ACP3: variants seen among roughly 807,000 people sequenced by gnomAD.
The protein encoded by ACP3 is acid phosphatase 3, also known as prostatic acid phosphatase.
Under a neutral mutation model 45.6 loss-of-function variants are expected in ACP3, and 38 were observed. The observed-to-expected ratio is 0.83, with a 90% CI of 0.64 to 1.09. The LOEUF (loss-of-function observed/expected upper bound fraction) is 1.09. Among genes scored for constraint, ACP3 ranks in the 50% least tolerant of loss-of-function variants. The pLI is 0.00. For missense variants in ACP3, 466 were observed against 463.2 expected, an observed-to-expected ratio of 1.01 and a Z score of -0.05; for synonymous variants, 162 against 164.7, an observed-to-expected ratio of 0.98 and a Z score of 0.13.
chr3:132,359,619 C>T (rs1298414244), downstream of ACP3, among the ~76,000 whole-genome samples: 1 of 151,994 alleles, frequency 6.6e-6, no homozygotes, highest in Admixed American at 6.6e-5. Context: ...TTTACCCTAC[C>T]CTCTCCTTCA....
intron 4 of ACP3, 177 bp from the exon 5 acceptor site, chr3:132,337,279 A>G: frequency 4.3e-6 from 2 of 464,692 alleles, no homozygotes; most frequent in South Asian, 9.1e-5. Flanking sequence ...CTATTTTAAG[A>G]CCTATAGATC....
At chr3:132,344,458 G>GA (rs903563920) in intron 6 of ACP3, among the ~76,000 whole-genome samples, 2 of 148,844 alleles carry the variant, frequency 1.3e-5, no homozygotes, top group African/African-American at 2.5e-5. Flanking sequence ...AAAAAAAAAA[G>GA]AAAAAAAAAG....
chr3:132,326,277 C>T (rs753308579), intron 1 of ACP3, among the ~76,000 whole-genome samples: 9 of 152,142 alleles, frequency 5.9e-5, no homozygotes, highest in Non-Finnish European at 1.3e-4. Context: ...GAAACTAAAA[C>T]AGTGTGGGGT....
downstream of ACP3, among the ~76,000 whole-genome samples, chr3:132,363,705 G>A (rs1316402025): frequency 6.6e-6 from 1 of 151,920 alleles, no homozygotes; most frequent in African/African-American, 2.4e-5. Flanking sequence ...TTGGGAGGCC[G>A]AGGGGGTGAA....
At chr3:132,330,770 T>G (rs1937386099) in intron 2 of ACP3, among the ~76,000 whole-genome samples, 1 of 152,144 alleles carries the variant, frequency 6.6e-6, no homozygotes, top group Admixed American at 6.5e-5. Context: ...CTAGTAAGGC[T>G]CTGGATTAAA....
chr3:132,339,723 GCTCTCTGAACC>G (rs1237561176), intron 5 of ACP3, among the ~76,000 whole-genome samples: 9 of 152,212 alleles, frequency 5.9e-5, no homozygotes, highest in Admixed American at 3.3e-4. Context: ...CTCTCTGAAG[GCTCTCTGAACC>G]CTCTCCCTTT....
intron 9 of ACP3, among the ~76,000 whole-genome samples, chr3:132,353,103 A>C (rs1937797229): frequency 6.6e-6 from 1 of 152,234 alleles, no homozygotes; most frequent in Non-Finnish European, 1.5e-5. Flanking sequence ...AGAAGTAGGC[A>C]TGTATTGTAT....
intron 2 of ACP3, among the ~76,000 whole-genome samples, chr3:132,330,613 G>A (rs529331591): frequency 1.3e-5 from 2 of 152,188 alleles, no homozygotes; most frequent in South Asian, 2.1e-4. Flanking sequence ...CTCAGGTCAC[G>A]GTATATTATT....
At chr3:132,318,524 T>C (rs1208518886) in intron 1 of ACP3, among the ~76,000 whole-genome samples, 1 of 151,936 alleles carries the variant, frequency 6.6e-6, no homozygotes, top group Admixed American at 6.6e-5. Context: ...CAGCATGGGA[T>C]ATTCAAAGCT....
At chr3:132,350,435 C>G (rs7621057) in intron 8 of ACP3, among the ~76,000 whole-genome samples, 134,174 of 152,218 alleles carry the variant, frequency 0.88, 59,284 homozygotes, top group South Asian at 0.95. Flanking sequence ...ATGTTGTGTC[C>G]AAAAAGTGGT....
chr3:132,348,697 T>C (rs1937648035), intron 7 of ACP3, among the ~76,000 whole-genome samples: 1 of 152,122 alleles, frequency 6.6e-6, no homozygotes, highest in Non-Finnish European at 1.5e-5. Flanking sequence ...CTCTCTGAGA[T>C]GGAGGGATTT....
downstream of ACP3, among the ~76,000 whole-genome samples, chr3:132,361,769 CA>C (rs1479368741): frequency 6.6e-6 from 1 of 152,172 alleles, no homozygotes; most frequent in African/African-American, 2.4e-5. Flanking sequence ...CTCACAATCT[CA>C]AAAATATCTC....
Position 132,337,468 on chromosome 3 carries a change from C to A in ACP3, c.469C>A (p.Pro157Thr). The change falls in exon 5 of 10, where the codon CCT becomes ACT. Residue 157 changes from proline to threonine, a missense_variant. By Grantham distance (38) the Pro-to-Thr change is conservative. Coordinates refer to ENST00000336375, the MANE Select transcript of ACP3 (RefSeq NM_001099.5). ...CTCTTATCCTCAGTTGCTATACCTG[C>A]CTTTCAGGAACTGCCCTCGTTTTCA... ...PLSEDQLLYL[P>T]FRNCPRFQEL... is the part of the protein sequence containing the mutation. 1 of 1,608,144 alleles carries A rather than the reference C, an allele frequency of 6.2e-7. No individual in the cohort carries two copies. Among genetic ancestry groups the A allele is most frequent in the Non-Finnish European group, 8.5e-7 (1 of 1,175,564 alleles).
chr3:132,321,764 G>A (rs767240102), intron 1 of ACP3, among the ~76,000 whole-genome samples: 4 of 152,178 alleles, frequency 2.6e-5, no homozygotes, highest in Non-Finnish European at 5.9e-5. Context: ...TCGAAGGAGA[G>A]TGCTGTTTCC....
intron 1 of ACP3, among the ~76,000 whole-genome samples, chr3:132,318,372 A>G (rs913544601): frequency 7.0e-6 from 1 of 143,642 alleles, no homozygotes; most frequent in African/African-American, 2.6e-5. Context: ...TCTCTTCCCT[A>G]CATTTTTTTA....
intron 9 of ACP3, among the ~76,000 whole-genome samples, chr3:132,353,710 C>G (rs1937813500): frequency 6.6e-6 from 1 of 152,184 alleles, no homozygotes; most frequent in South Asian, 2.1e-4. Flanking sequence ...GGACCTGGCT[C>G]AAAAGAGCCC....
intron 4 of ACP3, among the ~76,000 whole-genome samples, chr3:132,336,644 A>G (rs1410222261): frequency 6.6e-6 from 1 of 152,166 alleles, no homozygotes. Context: ...AAGGCAGGGA[A>G]CAGTTTTATG....
downstream of ACP3, chr3:132,358,960 T>C (rs1241469866): frequency 2.3e-6 from 2 of 882,818 alleles, no homozygotes; most frequent in Non-Finnish European, 2.7e-6. Context: ...GTTTGGACTT[T>C]ACCACTTCAG....
downstream of ACP3, among the ~76,000 whole-genome samples, chr3:132,363,364 A>T (rs1938077412): frequency 6.6e-6 from 1 of 152,082 alleles, no homozygotes; most frequent in Non-Finnish European, 1.5e-5. Context: ...CTCCAAACCA[A>T]TTCTTTTTTG....
Sources: gnomAD v4.1 joint callset for allele counts (sites outside exome capture counted in the v4.1 genomes callset) on GRCh38, gnomAD v4.1.1 for gene constraint, MANE v1.5 for transcripts, NCBI Gene and HGNC (gene_info 2026-07-23, HGNC 2026-07-21) for gene names.